Variants in MAP7D2 observed in about 807,000 individuals in gnomAD.
MAP7D2 encodes the protein MAP7 domain-containing protein 2.
MAP7D2 carries 33 observed loss-of-function variants against 63.5 expected under a neutral mutation model. That is an observed-to-expected ratio of 0.52 (90% CI 0.39 to 0.70). MAP7D2 has a LOEUF of 0.70. Among genes scored for constraint, MAP7D2 ranks in the 30% least tolerant of loss-of-function variants. MAP7D2 has a pLI of 0.00. For synonymous variants in MAP7D2, 224 were observed against 223.7 expected, an observed-to-expected ratio of 1.00 and a Z score of -0.01; for missense variants, 626 against 604.0, an observed-to-expected ratio of 1.04 and a Z score of -0.38.
intron 1 of MAP7D2, among the ~76,000 whole-genome samples, chrX:20,096,429 C>CAAAAAA (rs775218484): frequency 5.0e-5 from 2 of 40,117 alleles, no homozygotes; most frequent in African/African-American, 1.7e-4. Context: ...GACCTTGTCT[C>CAAAAAA]AAAAAAAAAA....
chrX:20,082,138 T>C (rs2065793048), intron 1 of MAP7D2, among the ~76,000 whole-genome samples: 1 of 112,127 alleles, frequency 8.9e-6, no homozygotes, highest in South Asian at 3.7e-4. Flanking sequence ...AGGGTAGTGC[T>C]TAGGCCTGCT....
intron 16 of MAP7D2, among the ~76,000 whole-genome samples, chrX:20,010,181 T>A (rs899730516): frequency 1.8e-5 from 2 of 112,026 alleles, no homozygotes; most frequent in Non-Finnish European, 3.8e-5. Context: ...TCATAGACAT[T>A]CTTGCTCAAA....
chrX:20,085,459 C>T (rs1166902315), intron 1 of MAP7D2, among the ~76,000 whole-genome samples: 2 of 112,033 alleles, frequency 1.8e-5, no homozygotes, highest in Non-Finnish European at 3.8e-5. Context: ...ACAACCACAG[C>T]CACTGTGGCC....
At chrX:20,061,377 T>C (rs765972433) in intron 3 of MAP7D2, among the ~76,000 whole-genome samples, 2 of 111,799 alleles carry the variant, frequency 1.8e-5, no homozygotes, top group Non-Finnish European at 3.8e-5. Flanking sequence ...AGCCAGCCTG[T>C]GTGTGGCAAG....
chrX:20,097,496 G>A (rs1294650054), intron 1 of MAP7D2, among the ~76,000 whole-genome samples: 1 of 111,963 alleles, frequency 8.9e-6, no homozygotes, highest in African/African-American at 3.3e-5. Flanking sequence ...GCTCACCTAG[G>A]ACAGTGAGAA....
chrX:20,060,680 C>T (rs1247604814), intron 3 of MAP7D2, among the ~76,000 whole-genome samples: 3 of 110,580 alleles, frequency 2.7e-5, no homozygotes, highest in African/African-American at 3.3e-5. Flanking sequence ...CTGTGTGGCA[C>T]GTGAAGGTTC....
At chrX:20,026,599 G>A (rs1050937198) in intron 8 of MAP7D2, among the ~76,000 whole-genome samples, 11 of 112,290 alleles carry the variant, frequency 9.8e-5, no homozygotes, top group African/African-American at 3.6e-4. Flanking sequence ...AAGAGATGGG[G>A]ATGGGGGGTG....
intron 1 of MAP7D2, among the ~76,000 whole-genome samples, chrX:20,074,988 G>A: frequency 8.9e-6 from 1 of 111,768 alleles, no homozygotes; most frequent in East Asian, 2.8e-4. Context: ...GGGAGGTGGA[G>A]GTTACAGTGA....
chrX:20,089,530 C>T (rs758859125), intron 1 of MAP7D2, among the ~76,000 whole-genome samples: 2 of 112,131 alleles, frequency 1.8e-5, no homozygotes, highest in Admixed American at 9.5e-5. Flanking sequence ...AAGTGAGGTC[C>T]ACAGACCAGC....
chrX:20,112,160 T>C (rs2066763106), intron 1 of MAP7D2, among the ~76,000 whole-genome samples: 1 of 111,692 alleles, frequency 9.0e-6, no homozygotes, highest in Non-Finnish European at 1.9e-5. Context: ...AAGGGTTGCC[T>C]GGGGGCTACA....
chrX:20,065,767 T>C (rs1030562144), intron 1 of MAP7D2, among the ~76,000 whole-genome samples: 7 of 111,928 alleles, frequency 6.3e-5, no homozygotes, highest in African/African-American at 2.3e-4. Flanking sequence ...GAGCTTTTCA[T>C]CTCCAACCAA....
In MAP7D2 at chrX:20,016,184, G is replaced by A. The variant is rs939361349; in HGVS notation, c.1554C>T (p.Gly518=). 2 of 1,193,466 alleles carry A rather than the reference G, an allele frequency of 1.7e-6. No individual in the cohort carries two copies. Among genetic ancestry groups the A allele is most frequent in the Admixed American group, 2.3e-5 (1 of 42,912 alleles). ...KQEGEEKRKA[G]EEAKRKAEEE... ...CCTCAGCCTTCCGCTTGGCCTCCTC[G>A]CCTGCCTTTCTTTTCTCTTCCCCTT... Residue 518 remains glycine, a synonymous_variant, in exon 11 of 17, where the codon GGC becomes GGT. Coordinates refer to ENST00000379643, the MANE Select transcript of MAP7D2 (RefSeq NM_001168465.2).
chrX:20,115,069 C>T (rs1199718732), intron 1 of MAP7D2, among the ~76,000 whole-genome samples: 2 of 110,916 alleles, frequency 1.8e-5, no homozygotes, highest in Non-Finnish European at 3.8e-5. Flanking sequence ...CATTTTAAAC[C>T]TTCACACATA....
At chrX:20,093,828 G>C (rs1368539926) in intron 1 of MAP7D2, among the ~76,000 whole-genome samples, 1 of 111,253 alleles carries the variant, frequency 9.0e-6, no homozygotes, top group Non-Finnish European at 1.9e-5. Context: ...GGAATTGATT[G>C]TGGTGATGGT....
Position 20,029,185 on chromosome X carries a change from G to C in MAP7D2, c.1008-3233C>G, listed in dbSNP as rs570672447. On this transcript the variant is annotated intron_variant, in intron 8 of 16. Transcript: ENST00000379643. The stretch of plus-strand genomic sequence containing the variant: ...GTGCTGGCACTTCTGCCCATGAATG[G>C]GTAGGCAGACAAGAAGCCTTCCTGC... 2.3e-3 allele frequency among the ~76,000 whole-genome samples: 262 copies of C among 112,376 alleles called. 1 individual carries two copies. The highest frequency in any genetic ancestry group is 8.1e-3 in the African/African-American group (250 of 30,996).
intron 1 of MAP7D2, among the ~76,000 whole-genome samples, chrX:20,113,068 C>G (rs2066791289): frequency 9.0e-6 from 1 of 111,398 alleles, no homozygotes; most frequent in African/African-American, 3.3e-5. Context: ...AGAGAAATCA[C>G]AAAGACTTTC....
intron 4 of MAP7D2, among the ~76,000 whole-genome samples, chrX:20,053,201 C>A (rs1300345156): frequency 1.8e-5 from 2 of 112,360 alleles, no homozygotes; most frequent in Non-Finnish European, 3.8e-5. Context: ...ATCTCTGCAA[C>A]TTCTTCACTG....
Position 20,064,360 on chromosome X carries a change from TCTC to T in MAP7D2, c.208+365_208+367del, listed in dbSNP as rs374461054. On this transcript the variant is annotated intron_variant, in intron 2 of 16. Transcript: ENST00000379643. ...TGACTCAAGTGCTGATTTTCTCAGT[TCTC>T]CTGAGGATGGCCCTTTTAGATTCCC... is the stretch of plus-strand genomic sequence containing the variant. Among the ~76,000 whole-genome samples the T allele has an allele frequency of 8.2e-4, 92 of 112,097 alleles. 1 individual carries two copies. The highest frequency in any genetic ancestry group is 2.9e-3 in the African/African-American group (90 of 30,811).
intron 1 of MAP7D2, among the ~76,000 whole-genome samples, chrX:20,066,262 T>G (rs2065360873): frequency 8.9e-6 from 1 of 111,934 alleles, no homozygotes; most frequent in Non-Finnish European, 1.9e-5. Context: ...TGCCTTCCTC[T>G]CTGGGAGCAT....
Sources: allele counts gnomAD v4.1 joint callset (sites outside exome capture counted in the v4.1 genomes callset), GRCh38; gene constraint gnomAD v4.1.1; transcripts MANE v1.5; gene names NCBI Gene and HGNC (gene_info 2026-07-23, HGNC 2026-07-21).